SKAP1: variants seen among roughly 807,000 people sequenced by gnomAD.
SKAP1 encodes the protein src kinase associated phosphoprotein 1, also known as src kinase-associated phosphoprotein 1.
A neutral mutation model predicts 58.5 loss-of-function variants in SKAP1; 44 were observed. That is an observed-to-expected ratio of 0.75 (90% confidence interval 0.59 to 0.97). The LOEUF is 0.97. Ranked by LOEUF, SKAP1 falls within the 50% of genes least tolerant of loss-of-function variation. The probability of loss-of-function intolerance (pLI) is 0.00; values close to 1 mark genes in which losing one functional copy is unlikely to be tolerated. For missense variants in SKAP1, 390 were observed against 435.2 expected (o/e 0.90, Z 0.92); for synonymous variants, 127 against 149.7 (o/e 0.85, Z 1.11).
At chr17:48,143,189 C>CTTTTT (rs1329483693) in intron 11 of SKAP1, among the ~76,000 whole-genome samples, 4 of 106,308 alleles carry the variant, frequency 3.8e-5, no homozygotes, top group African/African-American at 7.9e-5. Flanking sequence ...AATTCTTTAG[C>CTTTTT]TTTTTTTTTT....
At chr17:48,373,875 T>C (rs925075090) in intron 2 of SKAP1, among the ~76,000 whole-genome samples, 4 of 152,170 alleles carry the variant, frequency 2.6e-5, no homozygotes, top group African/African-American at 9.7e-5. Flanking sequence ...CTCTAGAACA[T>C]CTAGATGAAT....
rs1598403373 is a variant in SKAP1 at position 48,182,599 on chromosome 17, A to C, written c.568-142T>G. 5 of 604,774 alleles carry C rather than the reference A, an allele frequency of 8.3e-6. No homozygotes were observed. In the East Asian group the frequency reaches 1.5e-4, roughly 18 times the overall value. The allele number at this position is 604,774 out of a possible 1,614,324, so 37.5% of individuals were successfully genotyped here. On this transcript the variant is annotated intron_variant, in intron 7 of 12. Transcript: ENST00000336915. Reference sequence around the variant, plus strand: ...TTCTCTGCCTGCTTAACATATAGAAAAAAGACCAAATATTTCACTCAAACT... The same window carrying C: ...TTCTCTGCCTGCTTAACATATAGAACAAAGACCAAATATTTCACTCAAACT...
At chr17:48,285,690 T>C (rs2065821778) in intron 4 of SKAP1, among the ~76,000 whole-genome samples, 1 of 151,830 alleles carries the variant, frequency 6.6e-6, no homozygotes, top group South Asian at 2.1e-4. Flanking sequence ...CCTAAACAAA[T>C]GCTGCATTTT....
At chr17:48,429,077 G>GA (rs975086029) in intron 1 of SKAP1, among the ~76,000 whole-genome samples, 13 of 151,922 alleles carry the variant, frequency 8.6e-5, no homozygotes, top group African/African-American at 2.4e-4. Context: ...GAGAGAAACT[G>GA]AAAAAAAATA....
chr17:48,261,571 T>C (rs992915679), intron 4 of SKAP1, among the ~76,000 whole-genome samples: 6 of 152,126 alleles, frequency 3.9e-5, no homozygotes, highest in African/African-American at 1.4e-4. Flanking sequence ...CTTTTAAATG[T>C]AAGCAGCAGG....
rs1279831786 is a variant in SKAP1, at chr17:48,258,774, T to A, written c.281-69274A>T. 4.6e-5 allele frequency among the ~76,000 whole-genome samples: 7 copies of A among 152,220 alleles called. No homozygotes were observed. In the East Asian group the frequency reaches 1.4e-3, roughly 29 times the overall value. On this transcript the variant is annotated intron_variant, in intron 4 of 12. Transcript: ENST00000336915. ...AAAACCATAAAGTTACAGCTGCTTT[T>A]AAAATGTCACTTAGGGACAAACTGT...
the SKAP1 span, among the ~76,000 whole-genome samples, chr17:48,440,673 T>C: frequency 1.3e-5 from 2 of 152,154 alleles, no homozygotes; most frequent in Non-Finnish European, 2.9e-5. Flanking sequence ...TACCCAATAA[T>C]GGTTAATGTG....
chr17:48,279,806 G>C (rs989125166), intron 4 of SKAP1, among the ~76,000 whole-genome samples: 5 of 152,116 alleles, frequency 3.3e-5, no homozygotes, highest in Non-Finnish European at 7.3e-5. Context: ...CCAACACTCT[G>C]TTCTTGGGTC....
intron 11 of SKAP1, among the ~76,000 whole-genome samples, chr17:48,153,826 T>C (rs2063934841): frequency 6.8e-6 from 1 of 146,580 alleles, no homozygotes; most frequent in African/African-American, 2.5e-5. Context: ...GAGGGTATGG[T>C]GCCTGAGGAA....
chr17:48,242,658 T>A (rs1460958151), intron 4 of SKAP1, among the ~76,000 whole-genome samples: 1 of 152,086 alleles, frequency 6.6e-6, no homozygotes, highest in Non-Finnish European at 1.5e-5. Context: ...CAAGGAAGGG[T>A]TAGGAAGCTA....
chr17:48,240,362 G>A (rs1362856399), intron 4 of SKAP1, among the ~76,000 whole-genome samples: 5 of 152,044 alleles, frequency 3.3e-5, no homozygotes, highest in Non-Finnish European at 5.9e-5. Context: ...TGTAAACAAC[G>A]GACCTCAGGG....
At chr17:48,248,108 G>A (rs1158740243) in intron 4 of SKAP1, among the ~76,000 whole-genome samples, 1 of 152,124 alleles carries the variant, frequency 6.6e-6, no homozygotes, top group Non-Finnish European at 1.5e-5. Context: ...TGATAAAAGA[G>A]GCCAATGAAC....
Position 48,319,406 on chromosome 17 carries a change from T to G in SKAP1, c.280+26499A>C, listed in dbSNP as rs77974332. Among the ~76,000 whole-genome samples the G allele has an allele frequency of 6.7e-3, 1,017 of 152,082 alleles. 4 individuals are homozygous for G. The highest frequency in any genetic ancestry group is 0.011 in the Non-Finnish European group (745 of 67,952). ...TCTAGTTTTAAAAAGAAAGAAAGAATTGGAGAAGACTTTTTCAACTGGGAA... is the reference window on the plus strand; with the variant it reads ...TCTAGTTTTAAAAAGAAAGAAAGAAGTGGAGAAGACTTTTTCAACTGGGAA... On this transcript the variant is annotated intron_variant, in intron 4 of 12. Coordinates refer to ENST00000336915, the MANE Select transcript of SKAP1 (RefSeq NM_003726.4).
At chr17:48,358,995 A>T (rs2066906895) in intron 3 of SKAP1, among the ~76,000 whole-genome samples, 1 of 152,196 alleles carries the variant, frequency 6.6e-6, no homozygotes, top group Non-Finnish European at 1.5e-5. Flanking sequence ...ACAACAATTT[A>T]AAAAATCAGT....
chr17:48,422,296 G>A (rs1042276556), intron 1 of SKAP1, among the ~76,000 whole-genome samples: 1 of 152,018 alleles, frequency 6.6e-6, no homozygotes, highest in African/African-American at 2.4e-5. Flanking sequence ...ATGACTGGGA[G>A]TTTTACTGTG....
intron 4 of SKAP1, among the ~76,000 whole-genome samples, chr17:48,291,390 C>T (rs1300351396): frequency 6.6e-6 from 1 of 152,178 alleles, no homozygotes; most frequent in Non-Finnish European, 1.5e-5. Flanking sequence ...CAGACAGCTG[C>T]CTCATCTATT....
chr17:48,297,777 A>T (rs1170843216), intron 4 of SKAP1, among the ~76,000 whole-genome samples: 2 of 152,208 alleles, frequency 1.3e-5, no homozygotes, highest in Non-Finnish European at 2.9e-5. Context: ...AAGGGCCTAT[A>T]AGGGAATGGA....
intron 4 of SKAP1, chr17:48,307,609 G>C (rs967754872): frequency 2.0e-5 from 3 of 152,210 alleles, no homozygotes; most frequent in African/African-American, 7.2e-5. Flanking sequence ...GACACACAAT[G>C]TATGCAAACA....
intron 2 of SKAP1, among the ~76,000 whole-genome samples, chr17:48,368,633 A>T (rs2144418451): frequency 6.6e-6 from 1 of 152,322 alleles, no homozygotes; most frequent in Admixed American, 6.5e-5. Context: ...ACTCAATATC[A>T]TCAGGACGAT....
Sources: gnomAD v4.1 joint callset for allele counts (sites outside exome capture counted in the v4.1 genomes callset) on GRCh38, gnomAD v4.1.1 for gene constraint, MANE v1.5 for transcripts, NCBI Gene and HGNC (gene_info 2026-07-23, HGNC 2026-07-21) for gene names.